The following BTAF1 variants were observed in gnomAD, a reference collection of about 807,000 sequenced individuals.
BTAF1 encodes the protein B-TFIID TATA-box binding protein associated factor 1.
BTAF1 carries 38 observed loss-of-function variants against 227.1 expected under a neutral mutation model. The observed-to-expected ratio is 0.17, with a 90% CI of 0.13 to 0.22. BTAF1 has a LOEUF of 0.22. BTAF1 is among the 10% of genes least tolerant of loss of function. The pLI is 1.00. For missense variants in BTAF1, 1,598 were observed against 2,204.0 expected, an observed-to-expected ratio of 0.73 and a Z score of 5.51; for synonymous variants, 742 against 751.9, an observed-to-expected ratio of 0.99 and a Z score of 0.21.
Position 91,993,696 on chromosome 10 carries a change from C to G in BTAF1, c.3048C>G (p.Ala1016=), listed in dbSNP as rs1253601399. The G allele has an allele frequency of 8.8e-6, 13 of 1,482,020 alleles. No homozygotes were observed. Among genetic ancestry groups the G allele is most frequent in the Non-Finnish European group, 1.2e-5 (13 of 1,104,626 alleles). 91.8% of individuals were successfully genotyped at this position (1,482,020 alleles called of 1,614,324 possible). The change falls in exon 22 of 38, where the codon GCC becomes GCG. Residue 1016 remains alanine (A), a splice_region_variant and synonymous_variant. Transcript: ENST00000265990. ...TTTATCTAACATTTAATTTTAAGGC[C>G]CAGAAGCCTTACCTGGTACAACGGA... The part of the protein sequence containing the change: ...SGNILVELDE[A]QKPYLVQRRG...
rs1380891112 is a variant in BTAF1, at chr10:91,959,968, T to C, written c.1087-10T>C. 6.2e-7 allele frequency: 1 copy of C among 1,601,598 alleles called. No individual in the cohort carries two copies. The highest frequency in any genetic ancestry group is 8.5e-7 in the Non-Finnish European group (1 of 1,175,314). The stretch of plus-strand genomic sequence containing the variant: ...TGCAAATATGAGTTTTCTTCCTTTT[T>C]CGTCTGTAGGTTGTGGCACCAGTTC... On this transcript the variant is annotated splice_polypyrimidine_tract_variant and intron_variant, in intron 10 of 37. Transcript: ENST00000265990.
At chr10:92,012,982 C>T (rs1043540136) in intron 30 of BTAF1, among the ~76,000 whole-genome samples, 5 of 152,102 alleles carry the variant, frequency 3.3e-5, no homozygotes, top group Non-Finnish European at 4.4e-5. Context: ...TTCTTTTCCT[C>T]TTCCTTACAA....
intron 28 of BTAF1, among the ~76,000 whole-genome samples, chr10:92,010,223 A>T (rs919162272): frequency 5.9e-5 from 9 of 152,166 alleles, no homozygotes; most frequent in African/African-American, 2.2e-4. Context: ...CACTCAGCTA[A>T]TTAAGTGGAC....
At chr10:91,966,840 T>C in intron 14 of BTAF1, 83 bp downstream of exon 14, 1 of 1,336,398 alleles carries the variant, frequency 7.5e-7, no homozygotes, top group Non-Finnish European at 1.0e-6. Flanking sequence ...TTACCCTTGC[T>C]GTATATCCAA....
chr10:91,925,912 G>A (rs1371750715), intron 1 of BTAF1, among the ~76,000 whole-genome samples: 2 of 152,170 alleles, frequency 1.3e-5, no homozygotes, highest in African/African-American at 2.4e-5. Context: ...GTTTCAAAGA[G>A]TAGCACTCTT....
At chr10:92,018,106 C>CT (rs1179406026) in intron 33 of BTAF1, among the ~76,000 whole-genome samples, 2 of 151,870 alleles carry the variant, frequency 1.3e-5, no homozygotes, top group African/African-American at 4.8e-5. Context: ...TTTTTAAAGA[C>CT]TGAGTCTCGC....
chr10:91,981,826 T>G (rs1848081578), intron 16 of BTAF1, 34 bp downstream of exon 16: 1 of 1,580,536 alleles, frequency 6.3e-7, no homozygotes, highest in Admixed American at 1.9e-5. Flanking sequence ...ATTTGTGTGT[T>G]CATCATCTAA....
At chr10:91,967,753 A>G (rs1404558279) in intron 14 of BTAF1, among the ~76,000 whole-genome samples, 3 of 152,050 alleles carry the variant, frequency 2.0e-5, no homozygotes, top group Non-Finnish European at 4.4e-5. Context: ...CTTAATTTTC[A>G]TTTCATTTTT....
At position 92,029,811 on chromosome 10, in the gene BTAF1, GGGAGAGAGA is replaced by G. The variant is rs1851775941; in HGVS notation, c.*879_*887del. 2.0e-5 allele frequency: 3 copies of G among 152,416 alleles called. No homozygotes were observed. The South Asian group carries it at 6.2e-4, about 32-fold the overall frequency. The allele number at this position is 152,416 out of a possible 1,614,324, so 9.4% of individuals were successfully genotyped here. On this transcript the variant is annotated 3_prime_UTR_variant, in exon 38 of 38. Coordinates refer to ENST00000265990, the MANE Select transcript of BTAF1 (RefSeq NM_003972.3). ...AGTAATGCATGGCTGAAGCATAAAA[GGGAGAGAGA>G]ATTTCTTTATATACACAAACATACA... is the stretch of plus-strand genomic sequence containing the variant.
At chr10:91,959,359 T>C (rs562815410) in intron 9 of BTAF1, 3 of 1,132,818 alleles carry the variant, frequency 2.6e-6, no homozygotes, top group South Asian at 3.6e-5. Flanking sequence ...AGCAACATAA[T>C]TGGTATTGCC....
chr10:91,998,761 T>G (rs1477148320), intron 25 of BTAF1, among the ~76,000 whole-genome samples: 2 of 152,088 alleles, frequency 1.3e-5, no homozygotes, highest in Non-Finnish European at 2.9e-5. Flanking sequence ...TTATTAATAG[T>G]TATTATGGGC....
intron 19 of BTAF1, among the ~76,000 whole-genome samples, chr10:91,987,761 TCTC>T (rs1386730713): frequency 1.3e-5 from 2 of 152,140 alleles, no homozygotes; most frequent in Middle Eastern, 3.2e-3. Context: ...CTATCTCTTA[TCTC>T]CTCATTATTT....
In BTAF1 at chr10:91,950,151, G is replaced by A. The variant is rs200867417; in HGVS notation, c.401-1252G>A. On this transcript the variant is annotated intron_variant, in intron 4 of 37. Coordinates refer to ENST00000265990, the MANE Select transcript of BTAF1 (RefSeq NM_003972.3). ...GAGTGAGAGACCTTGTCCTTTGTGG[G>A]GGGGGGCGGGAAAGAAGACTAGGTT... is the stretch of plus-strand genomic sequence containing the variant. Among the ~76,000 whole-genome samples the A allele has an allele frequency of 1.3e-4, 5 of 39,204 alleles. 1 individual carries two copies. The highest frequency in any genetic ancestry group is 2.3e-4 in the African/African-American group (5 of 21,932). 25.7% of individuals were successfully genotyped at this position (39,204 alleles called of 152,430 possible).
chr10:91,993,705 T>A lies in BTAF1; in HGVS notation c.3057T>A (p.Pro1019=). 1 of 1,536,214 alleles carries A rather than the reference T, an allele frequency of 6.5e-7. No homozygotes were observed. Among genetic ancestry groups the A allele is most frequent in the Non-Finnish European group, 8.8e-7 (1 of 1,133,956 alleles). ...ILVELDEAQK[P]YLVQRRGAEF... ...CATTTAATTTTAAGGCCCAGAAGCC[T>A]TACCTGGTACAACGGAGAGGAGCTG... The change falls in exon 22 of 38, where the codon CCT becomes CCA. Residue 1019 remains proline (P), a synonymous_variant. Transcript: ENST00000265990.
chr10:91,991,295 T>TATATA (rs1266180286), intron 20 of BTAF1, among the ~76,000 whole-genome samples: 15 of 133,398 alleles, frequency 1.1e-4, no homozygotes, highest in South Asian at 2.5e-4. Flanking sequence ...TATATATAAA[T>TATATA]TATCCGGACG....
chr10:91,992,018 TA>T, intron 20 of BTAF1, 100 bp from the exon 21 acceptor site: 2 of 1,005,454 alleles, frequency 2.0e-6, no homozygotes, highest in Non-Finnish European at 1.4e-6. Flanking sequence ...AGTTGAGGCC[TA>T]AAAGACATAG....
At chr10:91,974,629 A>AC (rs1847554764) in intron 14 of BTAF1, among the ~76,000 whole-genome samples, 1 of 152,210 alleles carries the variant, frequency 6.6e-6, no homozygotes, top group Non-Finnish European at 1.5e-5. Context: ...GTGCAGGCAG[A>AC]TCACTTGAGG....
At chr10:91,953,255 GAGTAGAC>G (rs1382187980) in intron 5 of BTAF1, among the ~76,000 whole-genome samples, 1 of 152,194 alleles carries the variant, frequency 6.6e-6, no homozygotes, top group African/African-American at 2.4e-5. Context: ...AGAGCAAAAA[GAGTAGAC>G]AGTAAGTAGT....
chr10:91,955,719 A>C lies in BTAF1; in HGVS notation c.702-809A>C, dbSNP rs192804667. Among the ~76,000 whole-genome samples, 15 of 152,322 alleles carry C rather than the reference A, an allele frequency of 9.8e-5. No individual in the cohort carries two copies. In the East Asian group the frequency reaches 2.7e-3, roughly 27 times the overall value. Reference sequence around the variant, plus strand: ...GGAATTACAAGGACAAATGCCTGCAAGGGGAAACATGCCTAACAAGTTCAG... The same window carrying C: ...GGAATTACAAGGACAAATGCCTGCACGGGGAAACATGCCTAACAAGTTCAG... On this transcript the variant is annotated intron_variant, in intron 6 of 37. Transcript: ENST00000265990.
Sources: allele counts gnomAD v4.1 joint callset (sites outside exome capture counted in the v4.1 genomes callset), GRCh38; gene constraint gnomAD v4.1.1; transcripts MANE v1.5; gene names NCBI Gene and HGNC (gene_info 2026-07-23, HGNC 2026-07-21).